The following LPP variants were observed in gnomAD, a reference collection of about 807,000 sequenced individuals.
The protein encoded by LPP is LIM domain containing preferred translocation partner in lipoma.
LPP carries 38 observed loss-of-function variants against 60.4 expected under a neutral mutation model. That is an observed-to-expected ratio of 0.63 (90% CI 0.49 to 0.83). The LOEUF is 0.83. LPP is among the 40% of genes least tolerant of loss of function. The pLI, the probability that LPP is intolerant of heterozygous loss-of-function variation, is 0.00. For missense variants in LPP, 902 were observed against 783.6 expected (o/e 1.15, Z -1.80); for synonymous variants, 328 against 290.8 (o/e 1.13, Z -1.30).
chr3:188,847,127 C>G (rs768285952), intron 9 of LPP, among the ~76,000 whole-genome samples: 1 of 152,214 alleles, frequency 6.6e-6, no homozygotes, highest in African/African-American at 2.4e-5. Context: ...ATCTGCCTAG[C>G]AAGAAACAGC....
intron 7 of LPP, among the ~76,000 whole-genome samples, chr3:188,658,317 T>G (rs1043070535): frequency 6.6e-6 from 1 of 152,144 alleles, no homozygotes; most frequent in Non-Finnish European, 1.5e-5. Context: ...GCTAATTTTT[T>G]GTATTTTTAG....
chr3:188,190,152 T>C (rs2148987189), intron 1 of LPP, among the ~76,000 whole-genome samples: 1 of 150,112 alleles, frequency 6.7e-6, no homozygotes, highest in Admixed American at 6.7e-5. Context: ...GCCTCCTGGG[T>C]TCAAGCAATT....
chr3:188,582,154 C>CTTT (rs10565240), intron 6 of LPP, among the ~76,000 whole-genome samples: 84 of 102,242 alleles, frequency 8.2e-4, no homozygotes, highest in African/African-American at 1.2e-3. Context: ...TTTTCTTTTT[C>CTTT]TTTTTTTTTT....
At chr3:188,471,526 G>C (rs1248611709) in intron 4 of LPP, among the ~76,000 whole-genome samples, 1 of 152,152 alleles carries the variant, frequency 6.6e-6, no homozygotes, top group African/African-American at 2.4e-5. Context: ...AAGATAAAAA[G>C]GAAAAGGGTT....
intron 1 of LPP, among the ~76,000 whole-genome samples, chr3:188,213,961 A>AACAC (rs59389556): frequency 0.048 from 6,313 of 130,334 alleles, 284 homozygotes; most frequent in African/African-American, 0.11. Flanking sequence ...TTAGATTTTA[A>AACAC]ACACACACAC....
At chr3:188,379,468 C>A (rs1256463306) in intron 3 of LPP, among the ~76,000 whole-genome samples, 1 of 151,964 alleles carries the variant, frequency 6.6e-6, no homozygotes, top group Non-Finnish European at 1.5e-5. Context: ...GTTACACAGC[C>A]GTCACCAAGA....
intron 3 of LPP, among the ~76,000 whole-genome samples, chr3:188,381,033 A>G (rs949805779): frequency 6.6e-6 from 1 of 152,158 alleles, no homozygotes; most frequent in Non-Finnish European, 1.5e-5. Flanking sequence ...TTCAACCTTC[A>G]TGCCTGCTTT....
chr3:188,322,945 C>T (rs758065180), intron 2 of LPP, among the ~76,000 whole-genome samples: 51 of 152,064 alleles, frequency 3.4e-4, no homozygotes, highest in Non-Finnish European at 8.8e-5. Flanking sequence ...TGGTGATGGA[C>T]CAATAGTCAT....
chr3:188,439,230 C>A (rs1793159474), intron 4 of LPP, among the ~76,000 whole-genome samples: 1 of 152,114 alleles, frequency 6.6e-6, no homozygotes, highest in Admixed American at 6.6e-5. Flanking sequence ...TCCCTCTGTT[C>A]TATTAATAAT....
At chr3:188,734,378 G>T (rs1194622270) in intron 8 of LPP, among the ~76,000 whole-genome samples, 1 of 152,180 alleles carries the variant, frequency 6.6e-6, no homozygotes, top group East Asian at 1.9e-4. Flanking sequence ...ATTCCTGACT[G>T]AGCATTATGA....
intron 9 of LPP, among the ~76,000 whole-genome samples, chr3:188,787,843 G>T (rs898108839): frequency 1.3e-5 from 2 of 152,174 alleles, no homozygotes; most frequent in Non-Finnish European, 2.9e-5. Flanking sequence ...TCATCTGTGT[G>T]CTGAGAACTC....
chr3:188,181,421 A>G (rs1263467573), intron 1 of LPP, among the ~76,000 whole-genome samples: 1 of 151,922 alleles, frequency 6.6e-6, no homozygotes. Context: ...CCAGTGTGAA[A>G]TTTGCTACAT....
At chr3:188,210,777 C>G (rs572541557) in intron 1 of LPP, among the ~76,000 whole-genome samples, 1 of 152,240 alleles carries the variant, frequency 6.6e-6, no homozygotes, top group Non-Finnish European at 1.5e-5. Context: ...ATGGAATAAT[C>G]TCCTTTCTTT....
intron 4 of LPP, among the ~76,000 whole-genome samples, chr3:188,467,353 C>G (rs1488844135): frequency 1.4e-4 from 22 of 152,012 alleles, no homozygotes; most frequent in Admixed American, 1.4e-3. Context: ...ATGAGGAACT[C>G]TGGAAAATAG....
At chr3:188,516,426 T>C (rs1817378102) in intron 5 of LPP, among the ~76,000 whole-genome samples, 1 of 152,126 alleles carries the variant, frequency 6.6e-6, no homozygotes, top group Non-Finnish European at 1.5e-5. Flanking sequence ...AGAGATTATA[T>C]TAAATAGAAA....
At chr3:188,241,118 T>C (rs1724543784) in intron 2 of LPP, among the ~76,000 whole-genome samples, 1 of 152,212 alleles carries the variant, frequency 6.6e-6, no homozygotes, top group Admixed American at 6.5e-5. Context: ...ATGTTCCACG[T>C]AGTGGCTGCA....
At chr3:188,660,559 A>T (rs1854339034) in intron 7 of LPP, among the ~76,000 whole-genome samples, 1 of 152,120 alleles carries the variant, frequency 6.6e-6, no homozygotes, top group African/African-American at 2.4e-5. Flanking sequence ...TCTGTCTTAA[A>T]CTTCTCTTTC....
chr3:188,171,540 C>A (rs1307079326), intron 1 of LPP, among the ~76,000 whole-genome samples: 2 of 152,212 alleles, frequency 1.3e-5, no homozygotes, highest in Non-Finnish European at 2.9e-5. Context: ...GCAATGGAGG[C>A]ACAGATTGCC....
At chr3:188,774,568 T>C (rs1737123513) in intron 9 of LPP, among the ~76,000 whole-genome samples, 1 of 152,216 alleles carries the variant, frequency 6.6e-6, no homozygotes, top group African/African-American at 2.4e-5. Flanking sequence ...AAAAAATGAA[T>C]GTATTATACA....
Sources: gnomAD v4.1 joint callset for allele counts (sites outside exome capture counted in the v4.1 genomes callset) on GRCh38, gnomAD v4.1.1 for gene constraint, MANE v1.5 for transcripts, NCBI Gene and HGNC (gene_info 2026-07-23, HGNC 2026-07-21) for gene names.